Variants in RASSF6 observed in about 807,000 individuals in gnomAD.
RASSF6 encodes the protein Ras association domain family member 6, also known as ras association domain-containing protein 6.
In RASSF6, 52 loss-of-function variants were observed where a neutral mutation model predicts 44.0. The observed-to-expected ratio is 1.18, with a 90% CI of 0.95 to 1.49. RASSF6 has a LOEUF of 1.49. Ranked by LOEUF, RASSF6 falls within the 40% of genes most tolerant of loss-of-function variation. The probability of loss-of-function intolerance (pLI) is 0.00; values close to 1 mark genes in which losing one functional copy is unlikely to be tolerated. For synonymous variants in RASSF6, 162 were observed against 124.6 expected, an observed-to-expected ratio of 1.30 and a Z score of -2.00; for missense variants, 464 against 393.3, an observed-to-expected ratio of 1.18 and a Z score of -1.52.
chr4:73,591,801 T>A, intron 4 of RASSF6, among the ~76,000 whole-genome samples: 1 of 152,116 alleles, frequency 6.6e-6, no homozygotes, highest in East Asian at 1.9e-4. Context: ...GGGATTTTGC[T>A]CTATACTATG....
chr4:73,572,406 T>C lies in RASSF6; in HGVS notation c.*3829A>G, dbSNP rs1226788263. ...TGCTAAAAGAGTACATTTTTAAATG[T>C]TCTCACCACAAAGAAATTATAAGAG... On this transcript the variant is annotated 3_prime_UTR_variant, in exon 11 of 11. Transcript: ENST00000307439. 1 of 152,188 alleles carries C rather than the reference T, an allele frequency of 6.6e-6. No individual in the cohort carries two copies. Among genetic ancestry groups the C allele is most frequent in the East Asian group, 1.9e-4 (1 of 5,204 alleles). 9.4% of individuals were successfully genotyped at this position (152,188 alleles called of 1,614,324 possible).
intron 6 of RASSF6, among the ~76,000 whole-genome samples, chr4:73,582,996 T>C (rs1183432470): frequency 6.6e-6 from 1 of 152,166 alleles, no homozygotes; most frequent in African/African-American, 2.4e-5. Context: ...TAAGTTATTC[T>C]GTGACATTTA....
intron 1 of RASSF6, among the ~76,000 whole-genome samples, chr4:73,614,817 A>C (rs1261933): frequency 0.99 from 150,176 of 152,276 alleles, 74,080 homozygotes; most frequent in East Asian, 1. Context: ...GGAAGGAAGA[A>C]AGTTGAATAT....
Position 73,620,372 on chromosome 4 carries a change from C to G in RASSF6, c.-119G>C, listed in dbSNP as rs1056423720. 6 of 1,522,276 alleles carry G rather than the reference C, an allele frequency of 3.9e-6. No individual in the cohort carries two copies. The highest frequency in any genetic ancestry group is 2.8e-5 in the African/African-American group (2 of 70,940). The allele number at this position is 1,522,276 out of a possible 1,614,324, so 94.3% of individuals were successfully genotyped here. A position where few individuals can be genotyped will look rare whatever the true frequency, so the allele number is the denominator to read the frequency against. On this transcript the variant is annotated 5_prime_UTR_variant, in exon 1 of 11. Transcript: ENST00000307439. ...CTTCGCGGTTTGTTCTCGGCTGGGT[C>G]AGGAACTCTGGTAGAGGGAAACCAG... is the stretch of plus-strand genomic sequence containing the variant.
At chr4:73,602,814 C>T (rs1725362512) in intron 2 of RASSF6, among the ~76,000 whole-genome samples, 1 of 152,174 alleles carries the variant, frequency 6.6e-6, no homozygotes, top group Non-Finnish European at 1.5e-5. Context: ...TTCGGCCAGG[C>T]GCGGTGGCTC....
intron 2 of RASSF6, among the ~76,000 whole-genome samples, chr4:73,606,036 C>T (rs1312252370): frequency 6.6e-6 from 1 of 152,174 alleles, no homozygotes; most frequent in Admixed American, 6.5e-5. Flanking sequence ...AGTTGAACTA[C>T]CTTTCAACCC....
intron 4 of RASSF6, among the ~76,000 whole-genome samples, chr4:73,592,562 G>T (rs1267127289): frequency 6.6e-6 from 1 of 152,156 alleles, no homozygotes. Flanking sequence ...TTGTAAAGGG[G>T]TAAGGAAAAA....
chr4:73,612,982 G>C (rs1223066911), intron 1 of RASSF6, among the ~76,000 whole-genome samples: 1 of 152,054 alleles, frequency 6.6e-6, no homozygotes, highest in African/African-American at 2.4e-5. Flanking sequence ...ATTTCCCCTG[G>C]CAGCAGAGGG....
intron 4 of RASSF6, among the ~76,000 whole-genome samples, chr4:73,589,005 T>C (rs763311979): frequency 6.6e-6 from 1 of 152,126 alleles, no homozygotes; most frequent in Non-Finnish European, 1.5e-5. Context: ...CGAATTTCAT[T>C]GGTGGCAACA....
At chr4:73,618,153 G>T in intron 1 of RASSF6, among the ~76,000 whole-genome samples, 1 of 151,804 alleles carries the variant, frequency 6.6e-6, no homozygotes, top group Non-Finnish European at 1.5e-5. Flanking sequence ...ATCATTGCTG[G>T]GTCTCTCTGT....
intron 2 of RASSF6, among the ~76,000 whole-genome samples, chr4:73,605,374 A>T (rs1429716548): frequency 2.0e-5 from 3 of 152,208 alleles, no homozygotes; most frequent in African/African-American, 7.2e-5. Context: ...CATATTAATG[A>T]TGTCTGTAAT....
intron 4 of RASSF6, among the ~76,000 whole-genome samples, chr4:73,592,917 G>A (rs1314470116): frequency 6.6e-6 from 1 of 152,084 alleles, no homozygotes; most frequent in African/African-American, 2.4e-5. Flanking sequence ...ACAGAAGTAA[G>A]GCCCAGTCCA....
chr4:73,603,031 T>C (rs767445433), intron 2 of RASSF6, among the ~76,000 whole-genome samples: 1 of 152,028 alleles, frequency 6.6e-6, no homozygotes, highest in Non-Finnish European at 1.5e-5. Flanking sequence ...GAGCTTGCAG[T>C]GAGCCCAGAT....
chr4:73,598,205 C>T (rs1463241340), intron 3 of RASSF6, among the ~76,000 whole-genome samples: 1 of 152,114 alleles, frequency 6.6e-6, no homozygotes, highest in Non-Finnish European at 1.5e-5. Context: ...TAGTGCACAT[C>T]TATTGGAATC....
intron 2 of RASSF6, 129 bp downstream of exon 2, chr4:73,611,602 T>C (rs1726015582): frequency 4.0e-6 from 2 of 506,002 alleles, no homozygotes; most frequent in Admixed American, 6.3e-5. Context: ...CAACTTCTTA[T>C]CTAGTATCTC....
At chr4:73,591,122 T>C (rs1477423495) in intron 4 of RASSF6, among the ~76,000 whole-genome samples, 1 of 152,208 alleles carries the variant, frequency 6.6e-6, no homozygotes, top group Non-Finnish European at 1.5e-5. Flanking sequence ...AAGAGTTAAA[T>C]AAGAGAATTT....
intron 4 of RASSF6, 52 bp downstream of exon 4, chr4:73,593,399 C>G (rs1453670472): frequency 2.1e-5 from 32 of 1,537,890 alleles, no homozygotes; most frequent in Non-Finnish European, 2.6e-5. Flanking sequence ...CGCAATAAAA[C>G]TAGATATGAA....
rs964417646 is a variant in RASSF6 at position 73,574,223 on chromosome 4, T to C, written c.*2012A>G. 1 of 152,474 alleles carries C rather than the reference T, an allele frequency of 6.6e-6. No homozygotes were observed. Among genetic ancestry groups the C allele is most frequent in the African/African-American group, 2.4e-5 (1 of 41,462 alleles). The allele number at this position is 152,474 out of a possible 1,614,324, so 9.4% of individuals were successfully genotyped here. Reference sequence around the variant, plus strand: ...TACTGAGCCACTTGCCTGAGCTTTGTCTTGTGCAGTCTCGTCACACAAAGT... The same window carrying C: ...TACTGAGCCACTTGCCTGAGCTTTGCCTTGTGCAGTCTCGTCACACAAAGT... On this transcript the variant is annotated 3_prime_UTR_variant, in exon 11 of 11. Transcript: ENST00000307439.
Position 73,586,038 on chromosome 4 carries a change from T to TA in RASSF6, c.383-675dup, listed in dbSNP as rs1724063084. Reference sequence around the variant, plus strand: ...GTTCTTTGGAGCTTTTCCTAAAAAATAAACACTGGGCCTTAGTTTTCCTAT... The same window carrying TA: ...GTTCTTTGGAGCTTTTCCTAAAAAATAAAACACTGGGCCTTAGTTTTCCTAT... On this transcript the variant is annotated intron_variant, in intron 5 of 10. Coordinates refer to ENST00000307439, the MANE Select transcript of RASSF6 (RefSeq NM_177532.5). Among the ~76,000 whole-genome samples, 3 of 132,756 alleles carry TA rather than the reference T, an allele frequency of 2.3e-5. No individual in the cohort carries two copies. In the South Asian group the frequency reaches 7.1e-4, roughly 31 times the overall value. The allele number at this position is 132,756 out of a possible 152,430, so 87.1% of individuals were successfully genotyped here. A position where few individuals can be genotyped will look rare whatever the true frequency, so the allele number is the denominator to read the frequency against.
Sources: allele counts gnomAD v4.1 joint callset (sites outside exome capture counted in the v4.1 genomes callset), GRCh38; gene constraint gnomAD v4.1.1; transcripts MANE v1.5; gene names NCBI Gene and HGNC (gene_info 2026-07-23, HGNC 2026-07-21).